TRDN: variants seen among roughly 807,000 people sequenced by gnomAD.
The protein encoded by TRDN is triadin in skeletal muscle.
A neutral mutation model predicts 149.7 loss-of-function variants in TRDN; 161 were observed. The ratio of observed to expected loss-of-function variants is 1.08; its 90% CI spans 0.95 to 1.23. The LOEUF is 1.23. Ranked by LOEUF, TRDN falls within the 50% of genes most tolerant of loss-of-function variation. The pLI is 0.00. For missense variants in TRDN, 896 were observed against 823.5 expected (o/e 1.09, Z -1.08); for synonymous variants, 294 against 250.5 (o/e 1.17, Z -1.64).
At chr6:123,427,337 T>A (rs1474569911) in intron 12 of TRDN, among the ~76,000 whole-genome samples, 1 of 151,766 alleles carries the variant, frequency 6.6e-6, no homozygotes, top group Admixed American at 6.6e-5. Flanking sequence ...CTAAATTTAA[T>A]ACAATGATAA....
At chr6:123,366,902 A>G (rs1781123667) in intron 19 of TRDN, among the ~76,000 whole-genome samples, 1 of 152,202 alleles carries the variant, frequency 6.6e-6, no homozygotes, top group Admixed American at 6.5e-5. Flanking sequence ...ATCATGGTTG[A>G]GTCTGCTAAA....
At chr6:123,464,511 C>G in intron 10 of TRDN, 1 of 998,916 alleles carries the variant, frequency 1.0e-6, no homozygotes, top group Non-Finnish European at 1.2e-6. Flanking sequence ...TCCAAATTTA[C>G]AAAGCTAGGA....
At chr6:123,576,584 G>A (rs1457519860) in intron 1 of TRDN, among the ~76,000 whole-genome samples, 1 of 151,776 alleles carries the variant, frequency 6.6e-6, no homozygotes, top group Non-Finnish European at 1.5e-5. Context: ...GTCTCTCCCA[G>A]GCCGCTTTTA....
At chr6:123,529,190 T>A in intron 5 of TRDN, 1 of 1,547,496 alleles carries the variant, frequency 6.5e-7, no homozygotes, top group Non-Finnish European at 8.7e-7. Context: ...CCAAATGGTG[T>A]GGAACCAGTT....
intron 2 of TRDN, among the ~76,000 whole-genome samples, chr6:123,551,558 G>A (rs73536783): frequency 0.043 from 6,486 of 151,804 alleles, 222 homozygotes; most frequent in African/African-American, 0.099. Flanking sequence ...GTTTCCCTAA[G>A]TTTAATTATA....
chr6:123,444,004 C>G (rs1775118003), intron 10 of TRDN, among the ~76,000 whole-genome samples: 1 of 151,042 alleles, frequency 6.6e-6, no homozygotes, highest in Admixed American at 6.6e-5. Context: ...GCGATGTAGG[C>G]TCTTTTTTGG....
chr6:123,327,012 TA>T (rs2114718660), intron 23 of TRDN, among the ~76,000 whole-genome samples: 1 of 152,262 alleles, frequency 6.6e-6, no homozygotes, highest in East Asian at 1.9e-4. Context: ...TATTCTTCTC[TA>T]TTTTCCTGAA....
At chr6:123,313,578 G>A (rs186071762) in intron 24 of TRDN, among the ~76,000 whole-genome samples, 12 of 151,812 alleles carry the variant, frequency 7.9e-5, no homozygotes, top group Admixed American at 7.2e-4. Flanking sequence ...CAAATTTTCC[G>A]GTACCTGGAG....
intron 24 of TRDN, among the ~76,000 whole-genome samples, chr6:123,289,717 C>T (rs145314408): frequency 0.023 from 3,536 of 152,194 alleles, 143 homozygotes; most frequent in African/African-American, 0.081. Flanking sequence ...GACTGCAAAA[C>T]TGCCCTGAGC....
chr6:123,616,292 C>T (rs1785079681), intron 1 of TRDN, among the ~76,000 whole-genome samples: 1 of 151,846 alleles, frequency 6.6e-6, no homozygotes, highest in Non-Finnish European at 1.5e-5. Flanking sequence ...GATCATGCCA[C>T]TGGACTCCAG....
chr6:123,295,218 C>T (rs1778151682), intron 24 of TRDN, among the ~76,000 whole-genome samples: 1 of 152,148 alleles, frequency 6.6e-6, no homozygotes, highest in African/African-American at 2.4e-5. Flanking sequence ...GTGATGACTA[C>T]TCCTCCCCTA....
At chr6:123,483,727 T>G (rs1431931476) in intron 9 of TRDN, among the ~76,000 whole-genome samples, 1 of 152,190 alleles carries the variant, frequency 6.6e-6, no homozygotes, top group Non-Finnish European at 1.5e-5. Flanking sequence ...CTGACTGGAT[T>G]GTTATCTCCT....
intron 1 of TRDN, among the ~76,000 whole-genome samples, chr6:123,633,744 C>T (rs1183266600): frequency 6.6e-6 from 1 of 152,020 alleles, no homozygotes; most frequent in Non-Finnish European, 1.5e-5. Context: ...CTGTATTTAG[C>T]ATTATTTCCT....
intron 12 of TRDN, among the ~76,000 whole-genome samples, chr6:123,407,971 G>A (rs1773265253): frequency 6.6e-6 from 1 of 152,184 alleles, no homozygotes; most frequent in African/African-American, 2.4e-5. Flanking sequence ...TCCTAGAGGT[G>A]CCTGGTCTGG....
rs71272328 is a variant in TRDN at position 123,499,719 on chromosome 6, AATATAT to A, written c.794-2473_794-2468del. ...ATTCTGGCTCAAAAAAAAAAAAAAA[AATATAT>A]ATATATATATATATATATAGTTACA... On this transcript the variant is annotated intron_variant, in intron 8 of 40. Transcript: ENST00000334268. 5.5e-4 allele frequency among the ~76,000 whole-genome samples: 26 copies of A among 47,682 alleles called. 4 individuals carry two copies. Among genetic ancestry groups the A allele is most frequent in the African/African-American group, 1.7e-3 (24 of 14,018 alleles). The allele number at this position is 47,682 out of a possible 152,430, so 31.3% of individuals were successfully genotyped here.
At chr6:123,409,956 G>C (rs1389393632) in intron 12 of TRDN, among the ~76,000 whole-genome samples, 1 of 152,118 alleles carries the variant, frequency 6.6e-6, no homozygotes, top group East Asian at 1.9e-4. Flanking sequence ...GAGAGAGTGG[G>C]TTGACTTTAA....
intron 5 of TRDN, among the ~76,000 whole-genome samples, chr6:123,529,633 A>G (rs1438848770): frequency 6.6e-6 from 1 of 152,086 alleles, no homozygotes; most frequent in African/African-American, 2.4e-5. Context: ...GGTATTTACT[A>G]CAGATAATTT....
intron 24 of TRDN, among the ~76,000 whole-genome samples, chr6:123,290,945 T>G (rs558738638): frequency 1.3e-5 from 2 of 151,694 alleles, no homozygotes; most frequent in Admixed American, 6.6e-5. Flanking sequence ...TCACTTAAGG[T>G]CAGGAGTTGG....
chr6:123,241,936 C>T (rs564159672), intron 38 of TRDN, among the ~76,000 whole-genome samples: 5 of 152,220 alleles, frequency 3.3e-5, no homozygotes. Flanking sequence ...AATGTTCCTA[C>T]TACACTATTT....
Sources: allele counts gnomAD v4.1 joint callset (sites outside exome capture counted in the v4.1 genomes callset), GRCh38; gene constraint gnomAD v4.1.1; transcripts MANE v1.5; gene names NCBI Gene and HGNC (gene_info 2026-07-23, HGNC 2026-07-21).